The following GRIK3 variants were observed in gnomAD, a reference collection of about 807,000 sequenced individuals.
GRIK3 encodes glutamate ionotropic receptor kainate type subunit 3.
GRIK3 carries 29 observed loss-of-function variants against 102.5 expected under a neutral mutation model. The observed-to-expected ratio is 0.28, with a 90% CI of 0.21 to 0.39. GRIK3 has a LOEUF of 0.39. Among genes scored for constraint, GRIK3 ranks in the 10% least tolerant of loss-of-function variants. The pLI, the probability that GRIK3 is intolerant of heterozygous loss-of-function variation, is 1.00. For missense variants in GRIK3, 908 were observed against 1,252.4 expected, an observed-to-expected ratio of 0.73 and a Z score of 4.15; for synonymous variants, 511 against 504.9, an observed-to-expected ratio of 1.01 and a Z score of -0.16.
chr1:36,912,935 A>G (rs1313119458), intron 1 of GRIK3, among the ~76,000 whole-genome samples: 1 of 152,246 alleles, frequency 6.6e-6, no homozygotes, highest in African/African-American at 2.4e-5. Flanking sequence ...GAACACACAA[A>G]TATCTCTCAG....
At chr1:36,910,569 G>C (rs749568254) in intron 1 of GRIK3, among the ~76,000 whole-genome samples, 54 of 152,250 alleles carry the variant, frequency 3.5e-4, no homozygotes, top group African/African-American at 8.2e-4. Context: ...CAGCAGTGGT[G>C]GGGGGGCGGG....
At chr1:36,807,474 C>T (rs1213023048) in intron 13 of GRIK3, among the ~76,000 whole-genome samples, 1 of 152,156 alleles carries the variant, frequency 6.6e-6, no homozygotes, top group East Asian at 1.9e-4. Context: ...TGTCAACCTG[C>T]CTGACTGGCA....
At chr1:37,009,574 G>A (rs985461858) in intron 1 of GRIK3, among the ~76,000 whole-genome samples, 2 of 152,164 alleles carry the variant, frequency 1.3e-5, no homozygotes, top group African/African-American at 2.4e-5. Flanking sequence ...GGGCTGAAAC[G>A]GCAGTGTGTA....
At position 36,806,024 on chromosome 1, in the gene GRIK3, A is replaced by AC. The variant is rs1238918462; in HGVS notation, c.2314+79dup. 3.1e-5 allele frequency: 25 copies of AC among 814,956 alleles called. No homozygotes were observed. In the South Asian group the frequency reaches 3.4e-4, roughly 11 times the overall value. The allele number at this position is 814,956 out of a possible 1,614,324, so 50.5% of individuals were successfully genotyped here. A position where few individuals can be genotyped will look rare whatever the true frequency, so the allele number is the denominator to read the frequency against. ...TCAGCCCCATGGAATGAGCTGTGAGACGGAGTGTGAGGGGACGCGGGGGTG... is the reference window on the plus strand; with the variant it reads ...TCAGCCCCATGGAATGAGCTGTGAGACCGGAGTGTGAGGGGACGCGGGGGTG... On this transcript the variant is annotated intron_variant, in intron 14 of 15. Coordinates refer to ENST00000373091, the MANE Select transcript of GRIK3 (RefSeq NM_000831.4). The surrounding 1 kb of genome is among the most constrained non-coding windows in gnomAD (Gnocchi z 4.0).
intron 1 of GRIK3, among the ~76,000 whole-genome samples, chr1:36,954,180 G>A (rs116245849): frequency 6.6e-6 from 1 of 152,188 alleles, no homozygotes; most frequent in South Asian, 2.1e-4. Context: ...ATAGAGGGGG[G>A]CATTCCTGTT....
At chr1:36,887,969 C>A (rs1447997350) in intron 2 of GRIK3, among the ~76,000 whole-genome samples, 1 of 152,044 alleles carries the variant, frequency 6.6e-6, no homozygotes, top group East Asian at 1.9e-4. Context: ...GGAGTTCAGA[C>A]TGTGCAGCAG....
intron 1 of GRIK3, among the ~76,000 whole-genome samples, chr1:36,987,830 A>G (rs1246857720): frequency 6.6e-6 from 1 of 152,148 alleles, no homozygotes; most frequent in Middle Eastern, 3.2e-3. Flanking sequence ...CAGACACTCA[A>G]AAGAAATCTA....
intron 1 of GRIK3, among the ~76,000 whole-genome samples, chr1:36,898,281 T>A (rs1480916375): frequency 6.6e-6 from 1 of 152,180 alleles, no homozygotes; most frequent in Non-Finnish European, 1.5e-5. Flanking sequence ...TAAAATAGTG[T>A]AATTGGATTG....
At chr1:36,809,061 T>A (rs948522410) in intron 13 of GRIK3, among the ~76,000 whole-genome samples, 1 of 152,172 alleles carries the variant, frequency 6.6e-6, no homozygotes, top group African/African-American at 2.4e-5. Context: ...GTTCTCCCTC[T>A]ACTACTAGAG....
chr1:36,832,382 A>G (rs1457453322), intron 10 of GRIK3, among the ~76,000 whole-genome samples: 3 of 152,172 alleles, frequency 2.0e-5, no homozygotes, highest in Non-Finnish European at 4.4e-5. Flanking sequence ...GGCCGTTTAC[A>G]AGAGGATAAA....
At chr1:36,858,025 C>T (rs368280933) in intron 7 of GRIK3, among the ~76,000 whole-genome samples, 75 of 152,286 alleles carry the variant, frequency 4.9e-4, no homozygotes, top group African/African-American at 1.6e-3. Flanking sequence ...GCTTCATTTC[C>T]GGCCCGCTGT....
At chr1:37,017,574 C>A (rs1642666006) in intron 1 of GRIK3, among the ~76,000 whole-genome samples, 1 of 152,106 alleles carries the variant, frequency 6.6e-6, no homozygotes, top group South Asian at 2.1e-4. Flanking sequence ...TTTATGGCAT[C>A]TCTTGCCGCA....
chr1:36,821,143 A>G (rs1198563727), intron 11 of GRIK3, among the ~76,000 whole-genome samples: 1 of 152,212 alleles, frequency 6.6e-6, no homozygotes, highest in Non-Finnish European at 1.5e-5. Flanking sequence ...AAAAGCTGTA[A>G]TATATTATAC....
intron 1 of GRIK3, among the ~76,000 whole-genome samples, chr1:36,960,782 G>A (rs1434746230): frequency 6.6e-6 from 1 of 152,192 alleles, no homozygotes; most frequent in Non-Finnish European, 1.5e-5. Flanking sequence ...CAGCTCTGCT[G>A]CCTGGTATAT....
intron 1 of GRIK3, among the ~76,000 whole-genome samples, chr1:36,891,494 T>C (rs1641116850): frequency 6.6e-6 from 1 of 152,190 alleles, no homozygotes; most frequent in Non-Finnish European, 1.5e-5. Flanking sequence ...ACATCAATAG[T>C]TCAAATAAGA....
chr1:36,812,044 A>G (rs1393243064), intron 13 of GRIK3, among the ~76,000 whole-genome samples: 1 of 152,062 alleles, frequency 6.6e-6, no homozygotes, highest in Non-Finnish European at 1.5e-5. Context: ...TGGTCCCCCT[A>G]CCTGCTTCTG....
chr1:36,838,448 A>G (rs1640408130), intron 10 of GRIK3, among the ~76,000 whole-genome samples: 2 of 152,182 alleles, frequency 1.3e-5, no homozygotes, highest in Non-Finnish European at 2.9e-5. Context: ...TGGGGGATGG[A>G]GGGTATAATC....
chr1:36,945,371 A>G (rs1045588665), intron 1 of GRIK3, among the ~76,000 whole-genome samples: 17 of 152,230 alleles, frequency 1.1e-4, no homozygotes, highest in African/African-American at 4.1e-4. Context: ...GCCAGTCTCA[A>G]AGACCAGGCC....
intron 1 of GRIK3, among the ~76,000 whole-genome samples, chr1:36,967,788 T>A (rs1642095988): frequency 6.6e-6 from 1 of 152,218 alleles, no homozygotes; most frequent in South Asian, 2.1e-4. Flanking sequence ...AAGGCTCTGT[T>A]TTTTCCATCT....
Sources: allele counts gnomAD v4.1 joint callset (sites outside exome capture counted in the v4.1 genomes callset), GRCh38; gene constraint gnomAD v4.1.1; non-coding constraint Gnocchi (gnomAD v3.1); transcripts MANE v1.5; gene names NCBI Gene and HGNC (gene_info 2026-07-23, HGNC 2026-07-21).